The following PEAK1 variants were observed in gnomAD, a reference collection of about 807,000 sequenced individuals.
PEAK1 encodes the protein inactive tyrosine-protein kinase PEAK1.
In PEAK1, 54 loss-of-function variants were observed where a neutral mutation model predicts 124.7. The ratio of observed to expected loss-of-function variants is 0.43; its 90% CI spans 0.35 to 0.54. The LOEUF (loss-of-function observed/expected upper bound fraction) is 0.54. Ranked by LOEUF, PEAK1 falls within the 20% of genes least tolerant of loss-of-function variation. The pLI is 0.01. For missense variants in PEAK1, 2,046 were observed against 2,134.5 expected (o/e 0.96, Z 0.82); for synonymous variants, 719 against 760.0 (o/e 0.95, Z 0.89).
chr15:77,352,705 T>C (rs1237113953), intron 2 of PEAK1: 2 of 955,172 alleles, frequency 2.1e-6, no homozygotes, highest in Non-Finnish European at 1.2e-6. Flanking sequence ...AAATTTAATG[T>C]TTCAAGAAGA....
chr15:77,354,143 C>T (rs1303982580), intron 2 of PEAK1, among the ~76,000 whole-genome samples: 1 of 152,218 alleles, frequency 6.6e-6, no homozygotes, highest in African/African-American at 2.4e-5. Context: ...TACATCTCCA[C>T]TCAACTATCT....
chr15:77,220,786 T>C (rs1003935596), intron 6 of PEAK1, among the ~76,000 whole-genome samples: 2 of 152,064 alleles, frequency 1.3e-5, no homozygotes, highest in Non-Finnish European at 2.9e-5. Flanking sequence ...GACAGGGAAA[T>C]GACAATCTAT....
At chr15:77,167,844 C>T (rs570701310) in intron 7 of PEAK1, among the ~76,000 whole-genome samples, 38 of 152,264 alleles carry the variant, frequency 2.5e-4, no homozygotes, top group African/African-American at 8.7e-4. Context: ...TCAATTAACT[C>T]GTCATTTACA....
At chr15:77,334,440 G>A (rs1328126659) in intron 2 of PEAK1, 2 of 985,004 alleles carry the variant, frequency 2.0e-6, no homozygotes, top group African/African-American at 3.5e-5. Context: ...ACTTGTACCT[G>A]CTTATCCTTG....
At chr15:77,347,224 T>C in intron 2 of PEAK1, 1 of 984,654 alleles carries the variant, frequency 1.0e-6, no homozygotes, top group Non-Finnish European at 1.2e-6. Context: ...GCCACGGCCA[T>C]TTCAAAGTTA....
chr15:77,393,755 G>A (rs1381572061), intron 1 of PEAK1, among the ~76,000 whole-genome samples: 2 of 152,232 alleles, frequency 1.3e-5, no homozygotes, highest in African/African-American at 4.8e-5. Flanking sequence ...AGAGGGAAGA[G>A]TAAAGGAGAC....
chr15:77,341,236 C>T (rs770196233), intron 2 of PEAK1, among the ~76,000 whole-genome samples: 2 of 152,122 alleles, frequency 1.3e-5, no homozygotes, highest in Non-Finnish European at 2.9e-5. Flanking sequence ...GGTGTGGTGG[C>T]TCACACCGCC....
At chr15:77,371,723 A>G (rs1210065031) in intron 1 of PEAK1, among the ~76,000 whole-genome samples, 1 of 152,210 alleles carries the variant, frequency 6.6e-6, no homozygotes, top group East Asian at 1.9e-4. Context: ...TGCCGTCTCT[A>G]CTAAAAATAC....
chr15:77,361,638 T>C (rs1313102820), intron 2 of PEAK1, among the ~76,000 whole-genome samples: 2 of 152,168 alleles, frequency 1.3e-5, no homozygotes, highest in Admixed American at 6.5e-5. Flanking sequence ...TAATGTAAAC[T>C]AGTACAACCA....
chr15:77,417,691 G>A (rs369446378), intron 1 of PEAK1: 1 of 985,400 alleles, frequency 1.0e-6, no homozygotes. Context: ...CAAATGGCTA[G>A]GGCCCAGCAC....
intron 2 of PEAK1, chr15:77,348,741 T>C (rs1319697948): frequency 7.1e-6 from 7 of 984,970 alleles, no homozygotes; most frequent in Non-Finnish European, 7.2e-6. Context: ...AGCTTCTTAG[T>C]TATAGAACTG....
chr15:77,244,779 G>T (rs966128833), intron 6 of PEAK1, among the ~76,000 whole-genome samples: 1 of 151,844 alleles, frequency 6.6e-6, no homozygotes, highest in Non-Finnish European at 1.5e-5. Context: ...AGTAGAGATG[G>T]GGTTTCACCA....
chr15:77,287,530 C>CATAG (rs1243973524), intron 2 of PEAK1, among the ~76,000 whole-genome samples: 1 of 152,194 alleles, frequency 6.6e-6, no homozygotes, highest in Non-Finnish European at 1.5e-5. Flanking sequence ...TAGGCAAAGA[C>CATAG]ATAGAACTTC....
At position 77,168,237 on chromosome 15, in the gene PEAK1, G is replaced by GCGCACA. The variant is rs1555428545; in HGVS notation, c.3138-9542_3138-9541insTGTGCG. The stretch of plus-strand genomic sequence containing the variant: ...TACATGCACATATGCATGTGCGCGC[G>GCGCACA]CACACACACACACACACACACACAC... On this transcript the variant is annotated intron_variant, in intron 7 of 9. Transcript: ENST00000682557. 1.8e-3 allele frequency among the ~76,000 whole-genome samples: 267 copies of GCGCACA among 147,278 alleles called. 1 individual carries two copies. The highest frequency in any genetic ancestry group is 2.4e-3 in the Non-Finnish European group (158 of 66,498).
At chr15:77,150,503 A>ATTATTTAT (rs200938036) in intron 8 of PEAK1, among the ~76,000 whole-genome samples, 1 of 152,040 alleles carries the variant, frequency 6.6e-6, no homozygotes, top group Non-Finnish European at 1.5e-5. Flanking sequence ...AAATAAAATA[A>ATTATTTAT]TTATTTATTT....
chr15:77,346,201 G>T, intron 2 of PEAK1: 1 of 956,320 alleles, frequency 1.0e-6, no homozygotes, highest in Non-Finnish European at 1.2e-6. Context: ...GCATAATAAA[G>T]TCATTTCAAT....
intron 2 of PEAK1, among the ~76,000 whole-genome samples, chr15:77,354,623 T>C (rs2067395878): frequency 6.6e-6 from 1 of 152,158 alleles, no homozygotes. Context: ...ATTCCAACCA[T>C]GCCAAAAAAC....
chr15:77,139,297 C>A (rs977082206), intron 8 of PEAK1, among the ~76,000 whole-genome samples: 1 of 152,126 alleles, frequency 6.6e-6, no homozygotes, highest in Non-Finnish European at 1.5e-5. Flanking sequence ...GAAGGACATG[C>A]CTGAGGCTGT....
At chr15:77,418,256 T>G in intron 1 of PEAK1, 1 of 985,402 alleles carries the variant, frequency 1.0e-6, no homozygotes, top group Non-Finnish European at 1.2e-6. Flanking sequence ...CACACATAAA[T>G]TTTAGCCTCT....
Sources: allele counts gnomAD v4.1 joint callset (sites outside exome capture counted in the v4.1 genomes callset), GRCh38; gene constraint gnomAD v4.1.1; transcripts MANE v1.5; gene names NCBI Gene and HGNC (gene_info 2026-07-23, HGNC 2026-07-21).